FYB1: variants seen among roughly 807,000 people sequenced by gnomAD.
The protein encoded by FYB1 is FYN-binding protein 1.
FYB1 carries 41 observed loss-of-function variants against 94.1 expected under a neutral mutation model. The ratio of observed to expected loss-of-function variants is 0.44; its 90% CI spans 0.34 to 0.57. The LOEUF (loss-of-function observed/expected upper bound fraction) is 0.57. Among genes scored for constraint, FYB1 ranks in the 20% least tolerant of loss-of-function variants. The probability of loss-of-function intolerance (pLI) is 0.02; values close to 1 mark genes in which losing one functional copy is unlikely to be tolerated. For missense variants in FYB1, 1,050 were observed against 976.8 expected, an observed-to-expected ratio of 1.07 and a Z score of -1.00; for synonymous variants, 367 against 353.2, an observed-to-expected ratio of 1.04 and a Z score of -0.44.
chr5:39,220,486 G>T (rs1368580097), upstream of FYB1, among the ~76,000 whole-genome samples: 1 of 149,934 alleles, frequency 6.7e-6, no homozygotes, highest in Non-Finnish European at 1.5e-5. Flanking sequence ...ACTCAAAAAA[G>T]AAAAGAGAAA....
At chr5:39,109,900 C>T (rs1738903321) in intron 17 of FYB1, among the ~76,000 whole-genome samples, 1 of 152,016 alleles carries the variant, frequency 6.6e-6, no homozygotes, top group Non-Finnish European at 1.5e-5. Context: ...TCTACTATGC[C>T]TAGTGTGAGT....
chr5:39,222,057 A>G (rs1750289381), upstream of FYB1, among the ~76,000 whole-genome samples: 1 of 152,094 alleles, frequency 6.6e-6, no homozygotes, highest in Non-Finnish European at 1.5e-5. Context: ...ATAAAATGAA[A>G]TAATCCTCCA....
intron 3 of FYB1, among the ~76,000 whole-genome samples, chr5:39,147,729 G>A (rs1050871658): frequency 5.6e-5 from 8 of 141,844 alleles, no homozygotes; most frequent in East Asian, 2.1e-4. Flanking sequence ...TTTTTGAGAC[G>A]GAGTCTTGCT....
At chr5:39,240,587 G>A (rs1237019504) in intron 1 of FYB1, among the ~76,000 whole-genome samples, 2 of 152,014 alleles carry the variant, frequency 1.3e-5, no homozygotes, top group Non-Finnish European at 2.9e-5. Context: ...ACAATACTAA[G>A]CATCAGAGAA....
At position 39,202,024 on chromosome 5, in the gene FYB1, ACCTGGCAGGAGGAGTC is replaced by A; in HGVS notation, c.921_936del (p.Thr308SerfsTer8). On this transcript the variant is annotated frameshift_variant, in exon 2 of 19. Coordinates refer to ENST00000512982, the MANE Select transcript of FYB1 (RefSeq NM_001465.6). LOFTEE classifies it high-confidence loss of function. Reference sequence around the variant, plus strand: ...GTCAGCTTAGAAGGGGCCTTAGGGAACCTGGCAGGAGGAGTCCCTGAGGCCAACTCTTCCTGATTTA... The same window carrying A: ...GTCAGCTTAGAAGGGGCCTTAGGGAACCTGAGGCCAACTCTTCCTGATTTA... 1 of 1,613,992 alleles carries A rather than the reference ACCTGGCAGGAGGAGTC, an allele frequency of 6.2e-7. No homozygotes were observed. Among genetic ancestry groups the A allele is most frequent in the East Asian group, 2.2e-5 (1 of 44,878 alleles).
chr5:39,252,783 T>C (rs1751785170), intron 1 of FYB1, among the ~76,000 whole-genome samples: 1 of 152,184 alleles, frequency 6.6e-6, no homozygotes, highest in Non-Finnish European at 1.5e-5. Context: ...CAGTCTAGGA[T>C]TGGATCTTTC....
intron 2 of FYB1, among the ~76,000 whole-genome samples, chr5:39,171,281 G>C (rs1172310168): frequency 6.7e-6 from 1 of 149,386 alleles, no homozygotes; most frequent in Non-Finnish European, 1.5e-5. Context: ...CAGACACTCT[G>C]TCTCCAAAAA....
intron 1 of FYB1, among the ~76,000 whole-genome samples, chr5:39,206,991 T>C (rs1748916888): frequency 6.6e-6 from 1 of 152,176 alleles, no homozygotes; most frequent in African/African-American, 2.4e-5. Context: ...GTTAGATATT[T>C]TCAATATTAA....
chr5:39,141,206 G>T, intron 3 of FYB1, 65 bp from the exon 4 acceptor site: 1 of 1,053,044 alleles, frequency 9.5e-7, no homozygotes, highest in East Asian at 2.5e-5. Flanking sequence ...CAATGAAAAA[G>T]GGAAAAGGAT....
chr5:39,130,721 G>T, intron 9 of FYB1, 109 bp from the exon 10 acceptor site: 2 of 887,920 alleles, frequency 2.3e-6, no homozygotes, highest in Non-Finnish European at 3.6e-6. Context: ...CATTCCAGTC[G>T]AAAGTTCTTA....
At position 39,226,123 on chromosome 5, in the gene FYB1, G is replaced by A. The variant is rs571743066; in HGVS notation, c.-27-23136C>T. Among the ~76,000 whole-genome samples the A allele has an allele frequency of 3.9e-5, 6 of 152,256 alleles. No individual in the cohort carries two copies. In the East Asian group the frequency reaches 7.7e-4, roughly 20 times the overall value. On this transcript the variant is annotated intron_variant, in intron 1 of 1. Coordinates refer to the FYB1 transcript ENST00000510188. ...CACCATCTACACAAGACTGAAATGC[G>A]AGCTGAGGATTGGCTTTAGACTCCT...
chr5:39,138,894 C>G (rs968085358), intron 5 of FYB1: 1 of 613,756 alleles, frequency 1.6e-6, no homozygotes, highest in African/African-American at 1.9e-5. Context: ...CTCAGTAAAA[C>G]AACTATTGTA....
upstream of FYB1, among the ~76,000 whole-genome samples, chr5:39,221,554 A>G (rs1414701208): frequency 1.3e-5 from 2 of 152,230 alleles, no homozygotes; most frequent in African/African-American, 2.4e-5. Context: ...GGAATATGTA[A>G]TTCCTTCTGC....
At chr5:39,107,514 T>A in intron 18 of FYB1, 49 bp from the exon 19 acceptor site, 2 of 1,319,272 alleles carry the variant, frequency 1.5e-6, no homozygotes, top group Non-Finnish European at 2.1e-6. Context: ...AAACATATTC[T>A]CTAAGTATTC....
At chr5:39,181,055 C>T (rs865922167) in intron 2 of FYB1, among the ~76,000 whole-genome samples, 1 of 152,128 alleles carries the variant, frequency 6.6e-6, no homozygotes, top group Admixed American at 6.5e-5. Flanking sequence ...TACAGGGAAA[C>T]TTGGGGAAGA....
chr5:39,146,346 C>A (rs542004993), intron 3 of FYB1, among the ~76,000 whole-genome samples: 1 of 152,130 alleles, frequency 6.6e-6, no homozygotes, highest in Non-Finnish European at 1.5e-5. Flanking sequence ...TTCTGTATTC[C>A]TTCGTAATTA....
At chr5:39,154,583 T>G (rs933784415) in intron 2 of FYB1, among the ~76,000 whole-genome samples, 1 of 151,724 alleles carries the variant, frequency 6.6e-6, no homozygotes, top group Non-Finnish European at 1.5e-5. Flanking sequence ...CTCGGCTCAC[T>G]GCAACCTCTG....
At position 39,203,738 on chromosome 5, in the gene FYB1, C is replaced by T. The variant is rs534017957; in HGVS notation, c.-27-751G>A. Among the ~76,000 whole-genome samples, 6 of 152,258 alleles carry T rather than the reference C, an allele frequency of 3.9e-5. No homozygotes were observed. In the South Asian group the frequency reaches 1.2e-3, roughly 32 times the overall value. On this transcript the variant is annotated intron_variant, in intron 1 of 18. Transcript: ENST00000512982. ...GAAGATAAGGAAGAGGTAATAGGGA[C>T]AGGCTGTCAGTCTTATTTCCAGACC...
chr5:39,219,667 G>T, upstream of FYB1: 1 of 888,518 alleles, frequency 1.1e-6, no homozygotes, highest in Non-Finnish European at 1.3e-6. Flanking sequence ...GTTCTATTAT[G>T]CCCTCAGGAT....
Sources: allele counts gnomAD v4.1 joint callset (sites outside exome capture counted in the v4.1 genomes callset), GRCh38; gene constraint gnomAD v4.1.1; transcripts MANE v1.5; gene names NCBI Gene and HGNC (gene_info 2026-07-23, HGNC 2026-07-21).